EVL: variants seen among roughly 807,000 people sequenced by gnomAD.
EVL encodes Enah/Vasp-like, also known as ena/VASP-like protein.
A neutral mutation model predicts 59.6 loss-of-function variants in EVL; 21 were observed. That is an observed-to-expected ratio of 0.35 (90% confidence interval 0.25 to 0.51). The LOEUF (loss-of-function observed/expected upper bound fraction) is 0.51. EVL is among the 20% of genes least tolerant of loss of function. The pLI is 0.97. For missense variants in EVL, 462 were observed against 546.6 expected, an observed-to-expected ratio of 0.85 and a Z score of 1.54; for synonymous variants, 198 against 203.5, an observed-to-expected ratio of 0.97 and a Z score of 0.23.
At chr14:100,022,161 C>T (rs893635046) in intron 1 of EVL, among the ~76,000 whole-genome samples, 1 of 152,012 alleles carries the variant, frequency 6.6e-6, no homozygotes, top group African/African-American at 2.4e-5. Context: ...GGGGGAAGCA[C>T]ATCCTGGGGC....
intron 1 of EVL, among the ~76,000 whole-genome samples, chr14:99,985,334 C>T (rs2060833271): frequency 6.6e-6 from 1 of 151,910 alleles, no homozygotes; most frequent in South Asian, 2.1e-4. Context: ...CCTAGGGGAA[C>T]TGGCAGGATT....
At chr14:100,107,004 A>G (rs1249353153) in intron 3 of EVL, 2 of 398,752 alleles carry the variant, frequency 5.0e-6, no homozygotes, top group Admixed American at 4.4e-5. Context: ...GAGCCGGGCT[A>G]CGTTGGGTCT....
intron 1 of EVL, among the ~76,000 whole-genome samples, chr14:100,069,472 T>C (rs1566995828): frequency 6.6e-6 from 1 of 152,198 alleles, no homozygotes. Flanking sequence ...ACCTGGTGTT[T>C]CCTTTCTCAC....
chr14:100,000,276 A>G (rs2060937616), intron 1 of EVL, among the ~76,000 whole-genome samples: 2 of 152,096 alleles, frequency 1.3e-5, no homozygotes, highest in South Asian at 2.1e-4. Context: ...CCAGAAAGGC[A>G]GGACAACTCA....
chr14:100,128,037 G>A (rs60195773), intron 5 of EVL, among the ~76,000 whole-genome samples: 23,831 of 152,158 alleles, frequency 0.16, 3,587 homozygotes, highest in African/African-American at 0.39. Flanking sequence ...TCGGCATTGC[G>A]CCCTGACCCA....
At chr14:100,076,684 AG>A (rs1233755937) in intron 1 of EVL, among the ~76,000 whole-genome samples, 2 of 152,218 alleles carry the variant, frequency 1.3e-5, no homozygotes, top group Non-Finnish European at 2.9e-5. Context: ...GGCTGAGAAA[AG>A]TATCCCAGGC....
At position 100,143,565 on chromosome 14, in the gene EVL, A is replaced by G. The variant is rs1219337467; in HGVS notation, c.1220-136A>G. The G allele has an allele frequency of 2.8e-6, 3 of 1,079,352 alleles. No homozygotes were observed. In the Admixed American group the frequency reaches 6.1e-5, roughly 22 times the overall value. 66.9% of individuals were successfully genotyped at this position (1,079,352 alleles called of 1,614,324 possible). On this transcript the variant is annotated intron_variant, in intron 13 of 13. Transcript: ENST00000392920. Reference sequence around the variant, plus strand: ...GTCATCACCCCAGAGGTCTATGCCAAAGCCTGGGTGGGGCTCCCAGGAGAT... The same window carrying G: ...GTCATCACCCCAGAGGTCTATGCCAGAGCCTGGGTGGGGCTCCCAGGAGAT...
chr14:100,034,468 A>G (rs2061359257), intron 1 of EVL, among the ~76,000 whole-genome samples: 1 of 152,072 alleles, frequency 6.6e-6, no homozygotes, highest in African/African-American at 2.4e-5. Context: ...AAGAGTAAGG[A>G]AGAAGAAAAT....
chr14:100,143,735 G>A lies in EVL; in HGVS notation c.1254G>A (p.Thr418=), dbSNP rs370121912. 87 of 1,612,266 alleles carry A rather than the reference G, an allele frequency of 5.4e-5. No individual in the cohort carries two copies. Among genetic ancestry groups the A allele is most frequent in the African/African-American group, 8.0e-5 (6 of 74,930 alleles). The change falls in exon 14 of 14, where the codon ACG becomes ACA. Residue 418 remains threonine, a synonymous_variant. Coordinates refer to ENST00000392920, the MANE Select transcript of EVL (RefSeq NM_016337.3). ...AGGAGCTGAGTGGGATCAGCACCAC[G>A]TAAGGGGCCGGCCTCGCTGCGCTGA... ...IRQELSGIST[T]
At chr14:100,076,533 T>C (rs1463161206) in intron 1 of EVL, among the ~76,000 whole-genome samples, 2 of 152,162 alleles carry the variant, frequency 1.3e-5, no homozygotes, top group African/African-American at 4.8e-5. Flanking sequence ...AGGACCATGA[T>C]AATAGGGATA....
chr14:100,129,818 T>C, intron 7 of EVL, 134 bp downstream of exon 7: 1 of 1,311,482 alleles, frequency 7.6e-7, no homozygotes, highest in South Asian at 1.6e-5. Context: ...GGGGAAACTG[T>C]TACTTAAGTT....
At chr14:100,137,248 G>A (rs1206496616) in intron 9 of EVL, 5 of 390,504 alleles carry the variant, frequency 1.3e-5, no homozygotes, top group East Asian at 4.9e-5. Context: ...ACACGTGGGA[G>A]CAAGGCTGTG....
At chr14:100,001,001 T>G (rs1448626808) in intron 1 of EVL, among the ~76,000 whole-genome samples, 1 of 152,134 alleles carries the variant, frequency 6.6e-6, no homozygotes, top group Non-Finnish European at 1.5e-5. Context: ...AGGAATATTA[T>G]TTTAGCAGGT....
upstream of EVL, among the ~76,000 whole-genome samples, chr14:100,060,958 A>G (rs1049748694): frequency 1.3e-5 from 2 of 150,190 alleles, no homozygotes; most frequent in African/African-American, 5.0e-5. Flanking sequence ...AATACCTTTA[A>G]AGTGCTGAAA....
chr14:100,097,886 G>C, intron 3 of EVL: 2 of 427,422 alleles, frequency 4.7e-6, no homozygotes, highest in South Asian at 4.9e-5. Context: ...ATATAGATTT[G>C]TACAGATGTG....
intron 1 of EVL, among the ~76,000 whole-genome samples, chr14:99,989,238 C>G (rs2060859977): frequency 6.6e-6 from 1 of 152,080 alleles, no homozygotes; most frequent in Non-Finnish European, 1.5e-5. Context: ...TGTCTCGGTT[C>G]CCTCCTGTCA....
intron 1 of EVL, among the ~76,000 whole-genome samples, chr14:100,080,890 T>C (rs2062286114): frequency 6.6e-6 from 1 of 152,232 alleles, no homozygotes; most frequent in Non-Finnish European, 1.5e-5. Flanking sequence ...ATGGGAACCA[T>C]TTAGTAAATG....
At chr14:100,074,421 C>T (rs555842941) in intron 1 of EVL, 62 of 152,258 alleles carry the variant, frequency 4.1e-4, no homozygotes, top group African/African-American at 1.4e-3. Context: ...GTAAACTGCT[C>T]TCCTGTTTAT....
chr14:100,105,794 C>T (rs1262754684), intron 3 of EVL, among the ~76,000 whole-genome samples: 1 of 151,956 alleles, frequency 6.6e-6, no homozygotes, highest in Non-Finnish European at 1.5e-5. Context: ...GTGATGGTGA[C>T]TAGCAGTAAG....
Sources: allele counts gnomAD v4.1 joint callset (sites outside exome capture counted in the v4.1 genomes callset), GRCh38; gene constraint gnomAD v4.1.1; transcripts MANE v1.5; gene names NCBI Gene and HGNC (gene_info 2026-07-23, HGNC 2026-07-21).